Variants in LRRC17 observed in about 807,000 individuals in gnomAD.
The protein encoded by LRRC17 is leucine-rich repeat-containing protein 17.
In LRRC17, 33 loss-of-function variants were observed where a neutral mutation model predicts 41.5. The observed-to-expected ratio is 0.80, with a 90% CI of 0.60 to 1.06. The LOEUF (loss-of-function observed/expected upper bound fraction) is 1.06, where lower values mean the gene tolerates loss of function less well. Among genes scored for constraint, LRRC17 ranks in the 50% least tolerant of loss-of-function variants. The pLI is 0.00. For synonymous variants in LRRC17, 192 were observed against 197.0 expected (o/e 0.97, Z 0.21); for missense variants, 491 against 519.3 (o/e 0.95, Z 0.53).
chr7:102,935,843 A>G (rs1428842157), intron 2 of LRRC17, among the ~76,000 whole-genome samples: 35 of 152,258 alleles, frequency 2.3e-4, no homozygotes. Context: ...TCTTCCACTT[A>G]TTTTGGGAAA....
Position 102,934,432 on chromosome 7 carries a change from G to T in LRRC17, c.519G>T (p.Thr173=). The part of the protein sequence containing the change: ...NPWHCTCEIE[T]LISMLQIPRN... Reference sequence around the variant, plus strand: ...GGCACTGTACTTGTGAGATAGAAACGCTTATTTCAATGTTGCAGATTCCCA... The same window carrying T: ...GGCACTGTACTTGTGAGATAGAAACTCTTATTTCAATGTTGCAGATTCCCA... The change falls in exon 2 of 4, where the codon ACG becomes ACT. Residue 173 remains threonine (T), a synonymous_variant. Coordinates refer to ENST00000339431, the MANE Select transcript of LRRC17 (RefSeq NM_001031692.3). 1 of 1,614,162 alleles carries T rather than the reference G, an allele frequency of 6.2e-7. No individual in the cohort carries two copies.
intron 1 of LRRC17, among the ~76,000 whole-genome samples, chr7:102,930,051 T>G (rs554165011): frequency 6.6e-6 from 1 of 152,128 alleles, no homozygotes; most frequent in East Asian, 1.9e-4. Context: ...GGGTAGTCAT[T>G]TAGGCAGATG....
intron 2 of LRRC17, 133 bp downstream of exon 2, chr7:102,934,818 A>C: frequency 1.2e-6 from 1 of 854,088 alleles, no homozygotes; most frequent in Non-Finnish European, 1.8e-6. Context: ...CCCTATTGAC[A>C]ATGGAATTTA....
At chr7:102,941,439 C>T (rs574802115) in intron 3 of LRRC17, among the ~76,000 whole-genome samples, 2 of 152,284 alleles carry the variant, frequency 1.3e-5, no homozygotes, top group East Asian at 3.9e-4. Context: ...AGCAAATTAT[C>T]TTTAAAAACT....
chr7:102,929,098 T>C (rs1476488286), intron 1 of LRRC17, among the ~76,000 whole-genome samples: 3 of 152,232 alleles, frequency 2.0e-5, no homozygotes, highest in African/African-American at 4.8e-5. Flanking sequence ...ATTTAAATGC[T>C]GACTCTGTGT....
At chr7:102,931,911 C>A (rs368735743) in intron 1 of LRRC17, 1 of 1,613,662 alleles carries the variant, frequency 6.2e-7, no homozygotes, top group Non-Finnish European at 8.5e-7. Context: ...AGACATTCAA[C>A]TCTTGCAAGT....
chr7:102,920,025 ATG>A (rs1349131646), intron 1 of LRRC17, among the ~76,000 whole-genome samples: 1 of 152,186 alleles, frequency 6.6e-6, no homozygotes, highest in Non-Finnish European at 1.5e-5. Context: ...CACAAATAAT[ATG>A]TGTGTTCATA....
chr7:102,927,255 A>G (rs1465828067), intron 1 of LRRC17, among the ~76,000 whole-genome samples: 1 of 152,210 alleles, frequency 6.6e-6, no homozygotes, highest in African/African-American at 2.4e-5. Context: ...AGGAACATCA[A>G]CAGGGCAGCC....
chr7:102,933,340 G>A (rs1819597547), intron 1 of LRRC17: 1 of 152,068 alleles, frequency 6.6e-6, no homozygotes, highest in Admixed American at 6.5e-5. Context: ...TGCATCTCAA[G>A]GCTGTGTTCT....
At chr7:102,935,398 G>T (rs1820133206) in intron 2 of LRRC17, among the ~76,000 whole-genome samples, 1 of 151,560 alleles carries the variant, frequency 6.6e-6, no homozygotes, top group Admixed American at 6.6e-5. Flanking sequence ...TTTAATAAAT[G>T]CCTCTTAACA....
intron 1 of LRRC17, among the ~76,000 whole-genome samples, chr7:102,924,925 G>A (rs926647897): frequency 6.0e-5 from 9 of 150,538 alleles, no homozygotes; most frequent in African/African-American, 1.7e-4. Flanking sequence ...CACCGTGCCC[G>A]GCCTGTGTAA....
chr7:102,932,092 GC>G (rs1819289811), intron 1 of LRRC17, among the ~76,000 whole-genome samples: 1 of 152,110 alleles, frequency 6.6e-6, no homozygotes, highest in East Asian at 1.9e-4. Context: ...CAGAAAAATG[GC>G]TTTTTTGGGC....
At chr7:102,941,043 G>GT (rs564485445) in intron 3 of LRRC17, among the ~76,000 whole-genome samples, 49 of 152,020 alleles carry the variant, frequency 3.2e-4, no homozygotes, top group Admixed American at 3.0e-3. Flanking sequence ...GAGCCACAAG[G>GT]GCATATTTTA....
intron 1 of LRRC17, among the ~76,000 whole-genome samples, chr7:102,922,189 C>CAA (rs764424966): frequency 1.2e-5 from 1 of 82,552 alleles, no homozygotes; most frequent in Non-Finnish European, 2.5e-5. Flanking sequence ...GACTCTGTCT[C>CAA]AAAAAAAAAA....
intron 1 of LRRC17, among the ~76,000 whole-genome samples, chr7:102,932,287 T>C (rs1381223074): frequency 2.0e-5 from 3 of 152,210 alleles, no homozygotes; most frequent in African/African-American, 7.2e-5. Flanking sequence ...TCATTTAACA[T>C]TTTATTATGA....
chr7:102,922,816 CAA>C (rs936284864), intron 1 of LRRC17, among the ~76,000 whole-genome samples: 1 of 143,204 alleles, frequency 7.0e-6, no homozygotes, highest in Admixed American at 7.0e-5. Context: ...ACTAAAAATA[CAA>C]AAAAAAAAAA....
At chr7:102,914,869 G>C (rs567812010) in intron 1 of LRRC17, among the ~76,000 whole-genome samples, 1 of 152,258 alleles carries the variant, frequency 6.6e-6, no homozygotes, top group African/African-American at 2.4e-5. Context: ...CCTCTCCCTG[G>C]GGTACACCCT....
chr7:102,926,321 AT>A (rs1563101841), intron 1 of LRRC17: 19 of 1,614,014 alleles, frequency 1.2e-5, no homozygotes, highest in Non-Finnish European at 1.6e-5. Flanking sequence ...TGTTAGACAG[AT>A]TGAGACACAG....
chr7:102,928,897 G>A (rs1197086393), intron 1 of LRRC17, among the ~76,000 whole-genome samples: 1 of 152,154 alleles, frequency 6.6e-6, no homozygotes, highest in African/African-American at 2.4e-5. Flanking sequence ...AGAGAAAGCA[G>A]AACATTTTTT....
Sources: allele counts gnomAD v4.1 joint callset (sites outside exome capture counted in the v4.1 genomes callset), GRCh38; gene constraint gnomAD v4.1.1; transcripts MANE v1.5; gene names NCBI Gene and HGNC (gene_info 2026-07-23, HGNC 2026-07-21).